Variants in ZFAND3 observed in about 807,000 individuals in gnomAD.
ZFAND3 encodes zinc finger AN1-type containing 3.
Under a neutral mutation model 29.6 loss-of-function variants are expected in ZFAND3, and 10 were observed. That is an observed-to-expected ratio of 0.34 (90% CI 0.21 to 0.57). ZFAND3 has a LOEUF of 0.57. Among genes scored for constraint, ZFAND3 ranks in the 20% least tolerant of loss-of-function variants. The pLI, the probability that ZFAND3 is intolerant of heterozygous loss-of-function variation, is 0.86. For missense variants in ZFAND3, 230 were observed against 304.5 expected (o/e 0.76, Z 1.82); for synonymous variants, 128 against 112.6 (o/e 1.14, Z -0.87).
intron 2 of ZFAND3, among the ~76,000 whole-genome samples, chr6:37,961,866 T>A (rs1480439765): frequency 6.6e-6 from 1 of 152,134 alleles, no homozygotes; most frequent in Non-Finnish European, 1.5e-5. Flanking sequence ...TTAGAATATC[T>A]GGAAGGCCTT....
chr6:38,137,882 C>T (rs1324717437), intron 5 of ZFAND3, among the ~76,000 whole-genome samples: 6 of 152,078 alleles, frequency 3.9e-5, no homozygotes, highest in South Asian at 2.1e-4. Flanking sequence ...CAGTGCGTTG[C>T]GGGAGGAGAG....
chr6:38,129,164 T>C (rs1397270843), intron 5 of ZFAND3, among the ~76,000 whole-genome samples: 1 of 152,220 alleles, frequency 6.6e-6, no homozygotes, highest in Non-Finnish European at 1.5e-5. Flanking sequence ...CTTAGCCCAC[T>C]TTTTGATGGG....
At chr6:37,961,689 A>G (rs1383014813) in intron 2 of ZFAND3, among the ~76,000 whole-genome samples, 1 of 152,240 alleles carries the variant, frequency 6.6e-6, no homozygotes, top group Non-Finnish European at 1.5e-5. Flanking sequence ...TTTGGGAGAA[A>G]GTACAGGAAG....
At chr6:38,023,678 A>G (rs1763393064) in intron 2 of ZFAND3, among the ~76,000 whole-genome samples, 1 of 152,200 alleles carries the variant, frequency 6.6e-6, no homozygotes, top group Admixed American at 6.5e-5. Flanking sequence ...AGTTTCATAC[A>G]CCTATAGACA....
rs78119669 is a variant in ZFAND3 at position 37,938,569 on chromosome 6, G to T, written c.112+8570G>T. Among the ~76,000 whole-genome samples, 308 of 152,152 alleles carry T rather than the reference G, an allele frequency of 2.0e-3. 10 individuals carry two copies. The East Asian group carries it at 0.05, about 25-fold the overall frequency. On this transcript the variant is annotated intron_variant, in intron 2 of 5. Transcript: ENST00000287218. The stretch of plus-strand genomic sequence containing the variant: ...TTCTGTAGGAAACTCTGTTCTTTAT[G>T]GTGTAGCCTCCCTTACTCTGAAATG...
intron 2 of ZFAND3, among the ~76,000 whole-genome samples, chr6:37,973,610 C>T (rs566184982): frequency 1.1e-3 from 169 of 152,318 alleles, no homozygotes; most frequent in Non-Finnish European, 1.2e-3. Context: ...TAAATAGCCA[C>T]ATGTGTCTAT....
At chr6:38,104,331 A>T (rs1426461922) in intron 4 of ZFAND3, among the ~76,000 whole-genome samples, 1 of 152,104 alleles carries the variant, frequency 6.6e-6, no homozygotes, top group African/African-American at 2.4e-5. Flanking sequence ...GGAAGCTTTG[A>T]CTTCTGCCTG....
At chr6:38,044,331 A>G (rs1426501386) in intron 2 of ZFAND3, among the ~76,000 whole-genome samples, 1 of 151,794 alleles carries the variant, frequency 6.6e-6, no homozygotes, top group African/African-American at 2.4e-5. Context: ...TAAAAAACAT[A>G]TTGCTGGATT....
chr6:38,098,494 T>C (rs979953314), intron 4 of ZFAND3, among the ~76,000 whole-genome samples: 2 of 150,374 alleles, frequency 1.3e-5, no homozygotes, highest in Non-Finnish European at 3.0e-5. Context: ...ATGAAAACAG[T>C]ATTGCCCATC....
At chr6:38,024,631 A>G (rs1763412243) in intron 2 of ZFAND3, among the ~76,000 whole-genome samples, 2 of 152,236 alleles carry the variant, frequency 1.3e-5, no homozygotes, top group Admixed American at 6.5e-5. Flanking sequence ...ATGAAAAGGT[A>G]TGAAGTACAG....
intron 2 of ZFAND3, among the ~76,000 whole-genome samples, chr6:38,053,623 C>T (rs1223206871): frequency 3.3e-5 from 5 of 152,096 alleles, no homozygotes; most frequent in Non-Finnish European, 7.4e-5. Flanking sequence ...GGCTTGAACT[C>T]AGGATGCCAA....
chr6:37,956,247 A>G (rs1388045700), intron 2 of ZFAND3, among the ~76,000 whole-genome samples: 2 of 152,226 alleles, frequency 1.3e-5, no homozygotes, highest in African/African-American at 4.8e-5. Flanking sequence ...AGGGGCTGTT[A>G]AAACTCACAT....
chr6:37,932,320 C>T (rs548133117), intron 2 of ZFAND3, among the ~76,000 whole-genome samples: 8 of 151,986 alleles, frequency 5.3e-5, no homozygotes, highest in African/African-American at 1.4e-4. Context: ...TATGTATCTA[C>T]AATTACAGAT....
chr6:37,904,011 A>G (rs1765365537), intron 1 of ZFAND3, among the ~76,000 whole-genome samples: 1 of 152,232 alleles, frequency 6.6e-6, no homozygotes, highest in African/African-American at 2.4e-5. Context: ...CTGGAATGCC[A>G]AATTTCAGCT....
chr6:37,867,011 A>C (rs1764601700), intron 1 of ZFAND3, among the ~76,000 whole-genome samples: 1 of 152,246 alleles, frequency 6.6e-6, no homozygotes, highest in African/African-American at 2.4e-5. Context: ...TCTCAGACAG[A>C]TGATGACTCA....
intron 2 of ZFAND3, among the ~76,000 whole-genome samples, chr6:37,961,586 G>A (rs1385657641): frequency 1.3e-5 from 2 of 152,242 alleles, no homozygotes; most frequent in South Asian, 2.1e-4. Flanking sequence ...TTGACCCAGC[G>A]AAGTCCTAGA....
intron 1 of ZFAND3, among the ~76,000 whole-genome samples, chr6:37,832,030 T>A (rs1425895115): frequency 6.6e-6 from 1 of 152,198 alleles, no homozygotes; most frequent in African/African-American, 2.4e-5. Flanking sequence ...TAAACCTTTT[T>A]GGACCATGGA....
At chr6:38,083,732 A>G (rs1205238583) in intron 4 of ZFAND3, among the ~76,000 whole-genome samples, 4 of 152,134 alleles carry the variant, frequency 2.6e-5, no homozygotes, top group Non-Finnish European at 5.9e-5. Context: ...CCTTGAACAC[A>G]CTGGGTCATC....
intron 2 of ZFAND3, among the ~76,000 whole-genome samples, chr6:37,957,311 A>T (rs1026149050): frequency 6.9e-6 from 1 of 143,910 alleles, no homozygotes; most frequent in Non-Finnish European, 1.5e-5. Context: ...TTTGGCATCA[A>T]TTTTTTTTTT....
Sources: gnomAD v4.1 joint callset for allele counts (sites outside exome capture counted in the v4.1 genomes callset) on GRCh38, gnomAD v4.1.1 for gene constraint, MANE v1.5 for transcripts, NCBI Gene and HGNC (gene_info 2026-07-23, HGNC 2026-07-21) for gene names.